PTPN21: variants seen among roughly 807,000 people sequenced by gnomAD.
PTPN21 encodes the protein protein tyrosine phosphatase non-receptor type 21.
In PTPN21, 77 loss-of-function variants were observed where a neutral mutation model predicts 131.8. The observed-to-expected ratio is 0.58, with a 90% CI of 0.49 to 0.71. The LOEUF (loss-of-function observed/expected upper bound fraction) is 0.71. PTPN21 is among the 30% of genes least tolerant of loss of function. PTPN21 has a pLI of 0.00. For missense variants in PTPN21, 1,552 were observed against 1,527.1 expected (o/e 1.02, Z -0.27); for synonymous variants, 715 against 621.3 (o/e 1.15, Z -2.24).
intron 10 of PTPN21, chr14:88,493,028 C>G (rs548209410): frequency 2.2e-6 from 1 of 452,798 alleles, no homozygotes; most frequent in Non-Finnish European, 4.4e-6. Context: ...GCTAGCACAG[C>G]GGCTAAGAGC....
rs1280438423 is a variant in PTPN21 at position 88,479,435 on chromosome 14, G to A, written c.1996C>T (p.Pro666Ser). The A allele has an allele frequency of 5.0e-6, 8 of 1,601,974 alleles. No individual in the cohort carries two copies. The highest frequency in any genetic ancestry group is 6.8e-6 in the Non-Finnish European group (8 of 1,178,504). ...TLSASAAEVA[P>S]RAVSVGSQPS... is the part of the protein sequence containing the mutation. Reference sequence around the variant, plus strand: ...TGGGAGCCCACCGAGACGGCTCGCGGCGCCACCTCTGCCGCCGACGCGGAT... The same window carrying A: ...TGGGAGCCCACCGAGACGGCTCGCGACGCCACCTCTGCCGCCGACGCGGAT... Residue 666 changes from proline (P) to serine (S), a missense_variant, in exon 13 of 19, where the codon CCG (proline) becomes TCG (serine). Pro to Ser is a moderately conservative substitution (Grantham distance 74, BLOSUM62 -1). Around this residue, in one of 4 missense-constraint regions of PTPN21, gnomAD observed 1,016 missense variants for 883.5 expected, o/e 1.15. Coordinates refer to ENST00000556564, the MANE Select transcript of PTPN21 (RefSeq NM_007039.4).
Position 88,500,785 on chromosome 14 carries a change from A to T in PTPN21, c.762T>A (p.Phe254Leu). 6.2e-7 allele frequency: 1 copy of T among 1,607,184 alleles called. No individual in the cohort carries two copies. Among genetic ancestry groups the T allele is most frequent in the Non-Finnish European group, 8.5e-7 (1 of 1,173,674 alleles). Residue 254 changes from phenylalanine to leucine, a missense_variant and splice_region_variant, in exon 8 of 19, where the codon TTT becomes TTA. Phe to Leu is a conservative substitution (Grantham distance 22). Around this residue, in one of 4 missense-constraint regions of PTPN21, gnomAD observed 1,016 missense variants for 883.5 expected, o/e 1.15. Transcript: ENST00000556564. Reference sequence around the variant, plus strand: ...ACAAAAAGAGGTAAGAAAAATACCTAAATACCACAGGATGCCTTCCATTCT... The same window carrying T: ...ACAAAAAGAGGTAAGAAAAATACCTTAATACCACAGGATGCCTTCCATTCT... ...KHKNGRHPVVFRWHDIANMSH... is the reference protein window; with the variant it reads ...KHKNGRHPVVLRWHDIANMSH...
chr14:88,498,533 C>T (rs1456902514), intron 8 of PTPN21, among the ~76,000 whole-genome samples: 1 of 152,120 alleles, frequency 6.6e-6, no homozygotes, highest in African/African-American at 2.4e-5. Flanking sequence ...TATAACAATG[C>T]CAGAAATTGC....
chr14:88,513,527 G>A (rs920959627), intron 3 of PTPN21: 3 of 152,218 alleles, frequency 2.0e-5, no homozygotes, highest in Non-Finnish European at 4.4e-5. Context: ...ATCATAGCCA[G>A]TGAGGTTTAT....
Position 88,469,467 on chromosome 14 carries a change from G to A in PTPN21, c.3235+32C>T, listed in dbSNP as rs777466942. On this transcript the variant is annotated intron_variant, in intron 17 of 18. Coordinates refer to ENST00000556564, the MANE Select transcript of PTPN21 (RefSeq NM_007039.4). The surrounding 1 kb of genome is among the most constrained non-coding windows in gnomAD (Gnocchi z 4.3). ...TCTCTGTTTAACACCTCCAGAGGCA[G>A]CTGTCCTCGGAACAAAGTTAAAGTC... 6.5e-7 allele frequency: 1 copy of A among 1,534,356 alleles called. No individual in the cohort carries two copies. The highest frequency in any genetic ancestry group is 9.0e-7 in the Non-Finnish European group (1 of 1,108,128).
intron 2 of PTPN21, among the ~76,000 whole-genome samples, chr14:88,547,160 C>T (rs1214965306): frequency 6.6e-6 from 1 of 152,058 alleles, no homozygotes; most frequent in Non-Finnish European, 1.5e-5. Context: ...TTCAGTTCTC[C>T]CTGTATTTAC....
At chr14:88,508,198 G>C (rs551311504) in intron 3 of PTPN21, among the ~76,000 whole-genome samples, 178 bp from the exon 4 acceptor site, 1 of 150,114 alleles carries the variant, frequency 6.7e-6, no homozygotes, top group Non-Finnish European at 1.5e-5. Context: ...GCCCAGGCTC[G>C]AGTGCAGTGG....
chr14:88,485,817 G>C lies in PTPN21; in HGVS notation c.958C>G (p.Pro320Ala). 6.2e-7 allele frequency: 1 copy of C among 1,608,448 alleles called. No individual in the cohort carries two copies. Among genetic ancestry groups the C allele is most frequent in the South Asian group, 1.1e-5 (1 of 90,772 alleles). ...NLQTQTVTVN[P>A]IRRRSSSRMS... The stretch of plus-strand genomic sequence containing the variant: ...CTTGAAGAAGACCTCCTCCTGATTG[G>C]GTTCACTGTGACAGTCTGAGTTTGC... Residue 320 changes from proline to alanine, a missense_variant, in exon 11 of 19, where the codon CCA (proline) becomes GCA (alanine). Coordinates refer to ENST00000556564, the MANE Select transcript of PTPN21 (RefSeq NM_007039.4).
At chr14:88,528,753 C>T (rs562582449) in intron 2 of PTPN21, among the ~76,000 whole-genome samples, 1 of 152,358 alleles carries the variant, frequency 6.6e-6, no homozygotes, top group African/African-American at 2.4e-5. Context: ...GCCTTCCCAA[C>T]CATGTGGAAC....
chr14:88,541,345 C>T (rs1461856153), intron 2 of PTPN21, among the ~76,000 whole-genome samples: 1 of 152,114 alleles, frequency 6.6e-6, no homozygotes, highest in African/African-American at 2.4e-5. Context: ...GCTCAGAGAA[C>T]TGAATAGGAA....
intron 2 of PTPN21, among the ~76,000 whole-genome samples, chr14:88,526,013 G>T (rs913371695): frequency 6.6e-6 from 1 of 152,100 alleles, no homozygotes; most frequent in Non-Finnish European, 1.5e-5. Flanking sequence ...AGGTGTGGTG[G>T]CTCATACCTG....
chr14:88,481,950 C>T (rs1329186530), intron 12 of PTPN21, among the ~76,000 whole-genome samples: 1 of 152,222 alleles, frequency 6.6e-6, no homozygotes, highest in African/African-American at 2.4e-5. Flanking sequence ...CACTGACCAA[C>T]AACATTCCAG....
chr14:88,494,412 C>G (rs1445665651), intron 10 of PTPN21, among the ~76,000 whole-genome samples: 2 of 152,214 alleles, frequency 1.3e-5, no homozygotes, highest in East Asian at 3.9e-4. Context: ...TGGCTCACAC[C>G]TGTCCAGCCC....
chr14:88,479,820 G>A lies in PTPN21; in HGVS notation c.1611C>T (p.Val537=). 1 of 1,548,620 alleles carries A rather than the reference G, an allele frequency of 6.5e-7. No homozygotes were observed. The highest frequency in any genetic ancestry group is 8.7e-7 in the Non-Finnish European group (1 of 1,152,936). The change falls in exon 13 of 19, where the codon GTC becomes GTT. Residue 537 remains valine, a synonymous_variant. Transcript: ENST00000556564. Reference sequence around the variant, plus strand: ...GCGCATTGGTCAGCTCCGGCACGCTGACCGCGCCCACCACGGGCCGCCGCT... The same window carrying A: ...GCGCATTGGTCAGCTCCGGCACGCTAACCGCGCCCACCACGGGCCGCCGCT... ...PAERRPVVGA[V]SVPELTNAQL... is the part of the protein sequence containing the mutation.
At chr14:88,474,382 G>GT (rs1468636269) in intron 13 of PTPN21, among the ~76,000 whole-genome samples, 1 of 152,022 alleles carries the variant, frequency 6.6e-6, no homozygotes, top group Non-Finnish European at 1.5e-5. Flanking sequence ...TAGAGATGGG[G>GT]TCTCACTATG....
chr14:88,475,169 C>T (rs1314105667), intron 13 of PTPN21, among the ~76,000 whole-genome samples: 1 of 152,124 alleles, frequency 6.6e-6, no homozygotes, highest in Non-Finnish European at 1.5e-5. Flanking sequence ...GTAGCCCCAA[C>T]TGGAAAATAA....
chr14:88,550,413 G>C lies in PTPN21; in HGVS notation c.5C>G (p.Pro2Arg). 4.3e-6 allele frequency: 7 copies of C among 1,613,434 alleles called. No individual in the cohort carries two copies. The highest frequency in any genetic ancestry group is 5.9e-6 in the Non-Finnish European group (7 of 1,179,600). Residue 2 changes from proline (P) to arginine (R), a missense_variant, in exon 2 of 19, where the codon CCA becomes CGA. Physicochemically the swap from Pro to Arg is moderately radical, Grantham distance 103. This residue lies in a region of PTPN21 where 206 missense variants were observed against 221.6 expected (regional missense o/e 0.93). Transcript: ENST00000556564. Reference protein sequence around the residue: MPLPFGLKLKRT... With the variant: MRLPFGLKLKRT... ...TTTCAGTTTCAACCCAAATGGCAGT[G>C]GCATCTTCTTCTTTCTTCAAGAATG... is the stretch of plus-strand genomic sequence containing the variant.
chr14:88,486,180 C>T (rs1595359873), intron 10 of PTPN21, among the ~76,000 whole-genome samples: 1 of 152,184 alleles, frequency 6.6e-6, no homozygotes, highest in Non-Finnish European at 1.5e-5. Context: ...AAGGCTACAT[C>T]ACCCACACAC....
chr14:88,520,848 A>G (rs1253503882), intron 2 of PTPN21, among the ~76,000 whole-genome samples: 1 of 152,132 alleles, frequency 6.6e-6, no homozygotes, highest in African/African-American at 2.4e-5. Context: ...GAAAACCATT[A>G]TATTTTATTT....
Sources: gnomAD v4.1 joint callset for allele counts (sites outside exome capture counted in the v4.1 genomes callset) on GRCh38, gnomAD v4.1.1 for gene constraint, gnomAD v4.1.1 regional missense constraint, Gnocchi (gnomAD v3.1) non-coding constraint, MANE v1.5 for transcripts, NCBI Gene and HGNC (gene_info 2026-07-23, HGNC 2026-07-21) for gene names.